AOPEP: variants seen among roughly 807,000 people sequenced by gnomAD.
AOPEP encodes the protein aminopeptidase O (putative).
A neutral mutation model predicts 98.1 loss-of-function variants in AOPEP; 77 were observed. The observed-to-expected ratio is 0.78, with a 90% CI of 0.65 to 0.95. The LOEUF is 0.95. AOPEP is among the 40% of genes least tolerant of loss of function. The pLI is 0.00. For missense variants in AOPEP, 1,024 were observed against 1,024.7 expected (o/e 1.00, Z 0.01); for synonymous variants, 346 against 365.3 (o/e 0.95, Z 0.60).
chr9:94,836,298 T>C (rs2041595241), intron 5 of AOPEP, among the ~76,000 whole-genome samples: 1 of 152,210 alleles, frequency 6.6e-6, no homozygotes, highest in Admixed American at 6.5e-5. Flanking sequence ...AGAAATTTCC[T>C]AGCAAATTGG....
intron 3 of AOPEP, among the ~76,000 whole-genome samples, chr9:94,777,444 A>C (rs1343345230): frequency 6.6e-6 from 1 of 151,642 alleles, no homozygotes; most frequent in African/African-American, 2.4e-5. Flanking sequence ...AAAAAAAAAA[A>C]AGAAAACTAA....
intron 14 of AOPEP, chr9:95,061,132 A>T: frequency 4.6e-6 from 1 of 216,548 alleles, no homozygotes; most frequent in African/African-American, 2.3e-5. Flanking sequence ...TCTGTTGCAC[A>T]TTAAGGAAAC....
At chr9:94,745,764 G>C (rs1440151823) in intron 1 of AOPEP, among the ~76,000 whole-genome samples, 1 of 152,058 alleles carries the variant, frequency 6.6e-6, no homozygotes, top group African/African-American at 2.4e-5. Context: ...TTATCTGTTA[G>C]TCTGTTAATG....
At chr9:95,044,939 C>G (rs750501712) in intron 13 of AOPEP, among the ~76,000 whole-genome samples, 1 of 152,172 alleles carries the variant, frequency 6.6e-6, no homozygotes, top group Non-Finnish European at 1.5e-5. Flanking sequence ...CAGTCCCTCT[C>G]GGCACACATC....
chr9:94,791,946 G>A lies in AOPEP; in HGVS notation c.965-819G>A, dbSNP rs1845823193. ...TGACACATTCAGATTTCAGAAACAT[G>A]AAAATTATTTTTACATCTCAGAAAT... On this transcript the variant is annotated intron_variant, in intron 3 of 16. Coordinates refer to ENST00000375315, the MANE Select transcript of AOPEP (RefSeq NM_001193329.3). 2.0e-5 allele frequency among the ~76,000 whole-genome samples: 3 copies of A among 152,292 alleles called. No homozygotes were observed. In the South Asian group the frequency reaches 6.2e-4, roughly 32 times the overall value.
At chr9:95,028,313 T>G (rs990123042) in intron 13 of AOPEP, among the ~76,000 whole-genome samples, 3 of 152,232 alleles carry the variant, frequency 2.0e-5, no homozygotes, top group Non-Finnish European at 4.4e-5. Flanking sequence ...ATCACCCTCG[T>G]GGGAGTGATG....
At chr9:94,951,169 G>T (rs991713318) in intron 7 of AOPEP, among the ~76,000 whole-genome samples, 2 of 152,220 alleles carry the variant, frequency 1.3e-5, no homozygotes, top group Non-Finnish European at 2.9e-5. Flanking sequence ...TCCAGCCAAA[G>T]AAATAAACAC....
At chr9:94,763,492 G>T (rs1588099458) in intron 2 of AOPEP, 1 of 166,882 alleles carries the variant, frequency 6.0e-6, no homozygotes, top group Non-Finnish European at 1.3e-5. Context: ...TAGTGTGTGT[G>T]TGTGTGTTTG....
intron 11 of AOPEP, chr9:95,003,927 C>T (rs2306207): frequency 0.033 from 6,169 of 184,522 alleles, 165 homozygotes; most frequent in African/African-American, 0.061. Context: ...TTTAAGTAGT[C>T]CAGTTATGAA....
intron 13 of AOPEP, among the ~76,000 whole-genome samples, chr9:95,029,081 A>C (rs2064081473): frequency 6.6e-6 from 1 of 152,180 alleles, no homozygotes; most frequent in Non-Finnish European, 1.5e-5. Flanking sequence ...TCGTTTGCTG[A>C]AAACTGATTC....
intron 1 of AOPEP, among the ~76,000 whole-genome samples, chr9:94,736,293 C>T (rs1831751763): frequency 1.3e-5 from 2 of 152,070 alleles, no homozygotes; most frequent in Non-Finnish European, 2.9e-5. Flanking sequence ...AGAGCTAGAG[C>T]AGCTACTTTT....
intron 5 of AOPEP, among the ~76,000 whole-genome samples, chr9:94,866,353 A>G (rs2045707291): frequency 6.6e-6 from 1 of 152,202 alleles, no homozygotes; most frequent in South Asian, 2.1e-4. Flanking sequence ...GGGTTTATTC[A>G]ATTCTTCCAG....
At chr9:95,145,590 C>T in the AOPEP span, 1 of 152,088 alleles carries the variant, frequency 6.6e-6, no homozygotes, top group Non-Finnish European at 1.5e-5. Flanking sequence ...CTAATAACAA[C>T]CCTAGTAAAG....
downstream of AOPEP, among the ~76,000 whole-genome samples, chr9:95,089,838 T>A (rs947763659): frequency 1.3e-5 from 2 of 152,288 alleles, no homozygotes; most frequent in East Asian, 1.9e-4. Flanking sequence ...TGTGAAGATA[T>A]TAGCTCCCCC....
intron 14 of AOPEP, among the ~76,000 whole-genome samples, chr9:95,073,473 G>A (rs966682888): frequency 6.6e-6 from 1 of 152,050 alleles, no homozygotes; most frequent in Non-Finnish European, 1.5e-5. Context: ...GAAGAGGCCG[G>A]CGCGGTGGCT....
At chr9:95,024,405 C>T (rs1587660234) in intron 13 of AOPEP, among the ~76,000 whole-genome samples, 1 of 152,176 alleles carries the variant, frequency 6.6e-6, no homozygotes. Context: ...CATGAGGCCT[C>T]GGGAGCATTC....
chr9:94,961,193 T>C (rs938275564), intron 9 of AOPEP, among the ~76,000 whole-genome samples: 1 of 152,214 alleles, frequency 6.6e-6, no homozygotes, highest in African/African-American at 2.4e-5. Context: ...TTTCCCCCTT[T>C]CTGCCTCTTA....
chr9:95,119,355 T>C, the AOPEP span, among the ~76,000 whole-genome samples: 1 of 122,392 alleles, frequency 8.2e-6, no homozygotes, highest in East Asian at 2.6e-4. Context: ...GTTCCTTCTT[T>C]CTTCCTTTTC....
At chr9:94,923,406 C>G (rs1328505872) in intron 5 of AOPEP, among the ~76,000 whole-genome samples, 1 of 152,158 alleles carries the variant, frequency 6.6e-6, no homozygotes, top group African/African-American at 2.4e-5. Flanking sequence ...AAAGCTTGGC[C>G]TTACACGGTC....
Sources: gnomAD v4.1 joint callset for allele counts (sites outside exome capture counted in the v4.1 genomes callset) on GRCh38, gnomAD v4.1.1 for gene constraint, MANE v1.5 for transcripts, NCBI Gene and HGNC (gene_info 2026-07-23, HGNC 2026-07-21) for gene names.